Variants in MRPL48 observed in about 807,000 individuals in gnomAD.
MRPL48 encodes the protein large ribosomal subunit protein mL48.
MRPL48 carries 16 observed loss-of-function variants against 32.9 expected under a neutral mutation model. That is an observed-to-expected ratio of 0.49 (90% CI 0.33 to 0.74). The LOEUF is 0.74. MRPL48 is among the 30% of genes least tolerant of loss of function. The probability of loss-of-function intolerance (pLI) is 0.02; values close to 1 mark genes in which losing one functional copy is unlikely to be tolerated. For missense variants in MRPL48, 206 were observed against 245.3 expected (o/e 0.84, Z 1.07); for synonymous variants, 94 against 89.2 (o/e 1.05, Z -0.31).
At chr11:73,837,610 A>G (rs1398680416) in intron 4 of MRPL48, among the ~76,000 whole-genome samples, 1 of 152,146 alleles carries the variant, frequency 6.6e-6, no homozygotes, top group East Asian at 1.9e-4. Context: ...AATTTACCCT[A>G]TAGTCTATTT....
At chr11:73,846,347 C>T (rs903791700) in intron 5 of MRPL48, among the ~76,000 whole-genome samples, 1 of 151,990 alleles carries the variant, frequency 6.6e-6, no homozygotes, top group Non-Finnish European at 1.5e-5. Context: ...GAGACAGAGT[C>T]TCACTCTGTC....
chr11:73,860,912 T>C (rs1223204928), intron 6 of MRPL48, among the ~76,000 whole-genome samples: 4 of 152,132 alleles, frequency 2.6e-5, no homozygotes, highest in African/African-American at 9.6e-5. Context: ...TAATCTACTT[T>C]CTATCTCTAT....
At chr11:73,862,332 G>T (rs1331594031) in intron 6 of MRPL48, among the ~76,000 whole-genome samples, 4 of 152,228 alleles carry the variant, frequency 2.6e-5, no homozygotes, top group African/African-American at 9.6e-5. Context: ...TGAGGCAGGA[G>T]AATCGCTTGA....
At chr11:73,823,957 G>A (rs1947836619) in intron 3 of MRPL48, among the ~76,000 whole-genome samples, 1 of 151,812 alleles carries the variant, frequency 6.6e-6, no homozygotes, top group South Asian at 2.1e-4. Context: ...CTGGGTTCAA[G>A]TGATTCTCCT....
chr11:73,807,510 C>T (rs911229143), intron 2 of MRPL48, among the ~76,000 whole-genome samples: 2 of 150,980 alleles, frequency 1.3e-5, no homozygotes, highest in Admixed American at 1.3e-4. Context: ...AGCTATTTTT[C>T]GTTATCTCTA....
intron 4 of MRPL48, among the ~76,000 whole-genome samples, chr11:73,844,486 A>G (rs1948250433): frequency 6.6e-6 from 1 of 152,154 alleles, no homozygotes; most frequent in African/African-American, 2.4e-5. Flanking sequence ...CAAATTGAGT[A>G]ATAGAAGGCC....
chr11:73,802,300 T>G (rs1947375250), intron 1 of MRPL48: 1 of 152,260 alleles, frequency 6.6e-6, no homozygotes, highest in African/African-American at 2.4e-5. Flanking sequence ...ACAGAGATTG[T>G]GCATACATTT....
Position 73,790,062 on chromosome 11 carries a change from A to ATTTT in MRPL48, c.21+2092_21+2095dup, listed in dbSNP as rs34534770. On this transcript the variant is annotated intron_variant, in intron 1 of 7. Coordinates refer to ENST00000310614, the MANE Select transcript of MRPL48 (RefSeq NM_016055.6). The stretch of plus-strand genomic sequence containing the variant: ...AGGTGTACACCACCATGCTCAGCTA[A>ATTTT]TTTTTTTTTTTTTTTTTTTTTTTTT... 7.3e-3 allele frequency among the ~76,000 whole-genome samples: 756 copies of ATTTT among 103,718 alleles called. 23 individuals are homozygous for ATTTT. Among genetic ancestry groups the ATTTT allele is most frequent in the South Asian group, 0.031 (76 of 2,432 alleles). 68.0% of individuals were successfully genotyped at this position (103,718 alleles called of 152,430 possible).
chr11:73,845,640 T>C (rs1210843650), intron 5 of MRPL48, among the ~76,000 whole-genome samples: 1 of 152,118 alleles, frequency 6.6e-6, no homozygotes, highest in Non-Finnish European at 1.5e-5. Context: ...CATGATGGCA[T>C]GTGCCTGTAG....
intron 5 of MRPL48, among the ~76,000 whole-genome samples, chr11:73,846,515 C>G (rs971385075): frequency 1.6e-4 from 24 of 152,022 alleles, no homozygotes; most frequent in Middle Eastern, 6.8e-3. Flanking sequence ...ACTACTGCAC[C>G]TGGCTAATTT....
chr11:73,794,747 C>CTT (rs1356375156), intron 1 of MRPL48, among the ~76,000 whole-genome samples: 4,075 of 134,876 alleles, frequency 0.03, 201 homozygotes, highest in African/African-American at 0.11. Flanking sequence ...TACTTCTTTT[C>CTT]TTTTTTTTTT....
chr11:73,798,139 A>G (rs1200536895), intron 1 of MRPL48, among the ~76,000 whole-genome samples: 1 of 152,046 alleles, frequency 6.6e-6, no homozygotes, highest in Non-Finnish European at 1.5e-5. Context: ...GGGCAGTGGC[A>G]TAATCTCGGC....
chr11:73,808,235 A>C (rs536336170), intron 2 of MRPL48, 78 bp from the exon 3 acceptor site: 1 of 1,361,318 alleles, frequency 7.3e-7, no homozygotes, highest in Non-Finnish European at 1.0e-6. Flanking sequence ...CTTTAGTGAT[A>C]GAATATAAAT....
intron 1 of MRPL48, among the ~76,000 whole-genome samples, chr11:73,794,184 G>GTATCTATCTATCTGTCTATC (rs376507552): frequency 7.3e-4 from 101 of 139,292 alleles, no homozygotes; most frequent in Admixed American, 1.5e-3. Context: ...GTGAGACCCT[G>GTATCTATCTATCTGTCTATC]TATCTATCTA....
At chr11:73,849,927 GTC>G (rs1038526916) in intron 5 of MRPL48, among the ~76,000 whole-genome samples, 23 of 152,204 alleles carry the variant, frequency 1.5e-4, no homozygotes, top group South Asian at 6.2e-4. Context: ...GTGAAATCCT[GTC>G]TCTACATAAA....
chr11:73,812,738 A>ATATATATATATTTATT (rs112576224), intron 3 of MRPL48, among the ~76,000 whole-genome samples: 2 of 142,058 alleles, frequency 1.4e-5, no homozygotes, highest in Admixed American at 7.1e-5. Context: ...ATATATATAT[A>ATATATATATATTTATT]TATTTATTTA....
At chr11:73,842,594 T>A (rs1463840625) in intron 4 of MRPL48, 1 of 152,246 alleles carries the variant, frequency 6.6e-6, no homozygotes. Flanking sequence ...TGCCTCAGCC[T>A]CCCAAGCAGC....
At chr11:73,849,349 C>A (rs1383879123) in intron 5 of MRPL48, among the ~76,000 whole-genome samples, 2 of 152,152 alleles carry the variant, frequency 1.3e-5, no homozygotes, top group African/African-American at 4.8e-5. Flanking sequence ...GTTGGTCAGG[C>A]TGGTCTCAGA....
Position 73,847,815 on chromosome 11 carries a change from A to C in MRPL48, c.371+2839A>C, listed in dbSNP as rs562760925. On this transcript the variant is annotated intron_variant, in intron 5 of 7. Transcript: ENST00000310614. ...GGCCAGTCTCGAACTCCTGACCACA[A>C]ATGATCCACCCACCGTGACCTCCCA... is the stretch of plus-strand genomic sequence containing the variant. Among the ~76,000 whole-genome samples the C allele has an allele frequency of 7.2e-5, 11 of 151,988 alleles. No individual in the cohort carries two copies. The East Asian group carries it at 2.1e-3, about 29-fold the overall frequency.
Sources: gnomAD v4.1 joint callset for allele counts (sites outside exome capture counted in the v4.1 genomes callset) on GRCh38, gnomAD v4.1.1 for gene constraint, MANE v1.5 for transcripts, NCBI Gene and HGNC (gene_info 2026-07-23, HGNC 2026-07-21) for gene names.